The following KIAA1958 variants were observed in gnomAD, a reference collection of about 807,000 sequenced individuals.
The protein encoded by KIAA1958 is KIAA1958, also known as uncharacterized protein KIAA1958.
KIAA1958 carries 14 observed loss-of-function variants against 47.2 expected under a neutral mutation model. The ratio of observed to expected loss-of-function variants is 0.30; its 90% CI spans 0.20 to 0.46. The LOEUF is 0.46. KIAA1958 is among the 20% of genes least tolerant of loss of function. KIAA1958 has a pLI of 1.00. For missense variants in KIAA1958, 803 were observed against 909.2 expected, an observed-to-expected ratio of 0.88 and a Z score of 1.50; for synonymous variants, 354 against 353.3, an observed-to-expected ratio of 1.00 and a Z score of -0.02.
chr9:112,641,603 A>G (rs1009644045), intron 2 of KIAA1958, among the ~76,000 whole-genome samples: 1 of 151,836 alleles, frequency 6.6e-6, no homozygotes, highest in African/African-American at 2.4e-5. Context: ...TTCTTATATT[A>G]TTTGTTTCAT....
At chr9:112,516,416 G>A (rs10739361) in intron 1 of KIAA1958, among the ~76,000 whole-genome samples, 151,341 of 152,380 alleles carry the variant, frequency 0.99, 75,156 homozygotes, top group East Asian at 1. Context: ...TGTAAGATCT[G>A]TACACTAAAA....
At chr9:112,555,608 C>T (rs753960637) in intron 1 of KIAA1958, among the ~76,000 whole-genome samples, 4 of 152,220 alleles carry the variant, frequency 2.6e-5, no homozygotes, top group Admixed American at 6.5e-5. Flanking sequence ...GGCATCTTCT[C>T]GTCTTCTCAC....
chr9:112,530,485 C>T (rs2132810333), intron 1 of KIAA1958, among the ~76,000 whole-genome samples: 1 of 152,114 alleles, frequency 6.6e-6, no homozygotes, highest in Non-Finnish European at 1.5e-5. Context: ...CTTTGATGTG[C>T]TTATATGAGT....
chr9:112,531,871 C>T (rs544704581), intron 1 of KIAA1958, among the ~76,000 whole-genome samples: 1 of 152,228 alleles, frequency 6.6e-6, no homozygotes. Context: ...GAAACCATGA[C>T]TTCATTAATG....
intron 1 of KIAA1958, among the ~76,000 whole-genome samples, chr9:112,505,253 A>G (rs1461607402): frequency 1.3e-5 from 2 of 152,074 alleles, no homozygotes; most frequent in East Asian, 1.9e-4. Context: ...TTAGGCTAGC[A>G]CCCTGGTTAA....
chr9:112,505,398 G>A (rs977836339), intron 1 of KIAA1958, among the ~76,000 whole-genome samples: 55 of 152,164 alleles, frequency 3.6e-4, no homozygotes, highest in African/African-American at 1.2e-3. Flanking sequence ...TGGGGTTGTC[G>A]TGAGGATTAG....
At chr9:112,588,890 G>A (rs537584762) in intron 2 of KIAA1958, among the ~76,000 whole-genome samples, 21 of 152,052 alleles carry the variant, frequency 1.4e-4, no homozygotes, top group Admixed American at 4.6e-4. Flanking sequence ...GAATGGATTG[G>A]TAGGAAGTAA....
At chr9:112,586,791 C>A (rs1835834078) in intron 2 of KIAA1958, among the ~76,000 whole-genome samples, 2 of 152,204 alleles carry the variant, frequency 1.3e-5, no homozygotes, top group African/African-American at 4.8e-5. Context: ...GGAACCACTT[C>A]AGAACTGAAG....
chr9:112,600,931 T>C (rs556296425), intron 2 of KIAA1958, among the ~76,000 whole-genome samples: 60 of 152,316 alleles, frequency 3.9e-4, no homozygotes, highest in African/African-American at 1.4e-3. Flanking sequence ...ATAGGTACAG[T>C]TTATACCCAT....
At chr9:112,639,093 A>T (rs1326197431) in intron 2 of KIAA1958, among the ~76,000 whole-genome samples, 1 of 152,194 alleles carries the variant, frequency 6.6e-6, no homozygotes, top group African/African-American at 2.4e-5. Context: ...TTCCTGCATA[A>T]CCATAATATA....
intron 1 of KIAA1958, among the ~76,000 whole-genome samples, chr9:112,518,032 C>T (rs955056136): frequency 6.6e-6 from 1 of 152,158 alleles, no homozygotes; most frequent in African/African-American, 2.4e-5. Context: ...CATACACTTC[C>T]CACCTGACCT....
At chr9:112,534,069 T>C (rs911330566) in intron 1 of KIAA1958, among the ~76,000 whole-genome samples, 1 of 152,220 alleles carries the variant, frequency 6.6e-6, no homozygotes, top group Admixed American at 6.5e-5. Context: ...CCTAGCTCTG[T>C]AACCTTAGGC....
In KIAA1958 at chr9:112,611,873, T is replaced by C. The variant is rs113072483; in HGVS notation, c.1172-33777T>C. On this transcript the variant is annotated intron_variant, in intron 2 of 3. Transcript: ENST00000337530. ...CCTAATTTTAAATAGTAGTATACTT[T>C]GCCCTAATAAGGATACTAGTTAATG... Among the ~76,000 whole-genome samples the C allele has an allele frequency of 5.5e-3, 838 of 152,156 alleles. 11 individuals are homozygous for C. The highest frequency in any genetic ancestry group is 0.019 in the African/African-American group (801 of 41,526).
chr9:112,572,353 C>T (rs1168868108), intron 1 of KIAA1958, among the ~76,000 whole-genome samples: 3 of 152,028 alleles, frequency 2.0e-5, no homozygotes, highest in Non-Finnish European at 2.9e-5. Context: ...TATTCGACAA[C>T]GACTGCATAC....
At chr9:112,591,087 C>T (rs1440469951) in intron 2 of KIAA1958, among the ~76,000 whole-genome samples, 2 of 151,972 alleles carry the variant, frequency 1.3e-5, no homozygotes, top group Admixed American at 1.3e-4. Context: ...GATGGTTTAG[C>T]TTTTTTATTT....
chr9:112,517,047 CTG>C (rs1289329195), intron 1 of KIAA1958, among the ~76,000 whole-genome samples: 2 of 152,222 alleles, frequency 1.3e-5, no homozygotes, highest in Non-Finnish European at 2.9e-5. Flanking sequence ...GTGTTACAGT[CTG>C]TTTACACATC....
chr9:112,626,706 A>G (rs1227172228), intron 2 of KIAA1958, among the ~76,000 whole-genome samples: 3 of 152,056 alleles, frequency 2.0e-5, no homozygotes, highest in African/African-American at 7.2e-5. Context: ...TTTAGTATTA[A>G]CCCACTCAGA....
intron 2 of KIAA1958, among the ~76,000 whole-genome samples, chr9:112,635,214 T>TTTTGTGTGTG (rs1403616590): frequency 1.5e-5 from 2 of 130,352 alleles, no homozygotes; most frequent in African/African-American, 3.0e-5. Flanking sequence ...ATTCTTTATT[T>TTTTGTGTGTG]TGTGTGTGTG....
chr9:112,633,360 A>G (rs1836744125), intron 2 of KIAA1958, among the ~76,000 whole-genome samples: 3 of 152,186 alleles, frequency 2.0e-5, no homozygotes, highest in Admixed American at 2.0e-4. Context: ...AAGATTACTT[A>G]AAGAAATTAA....
Sources: gnomAD v4.1 joint callset for allele counts (sites outside exome capture counted in the v4.1 genomes callset) on GRCh38, gnomAD v4.1.1 for gene constraint, MANE v1.5 for transcripts, NCBI Gene and HGNC (gene_info 2026-07-23, HGNC 2026-07-21) for gene names.